Variants in ZNF33A observed in about 807,000 individuals in gnomAD.
ZNF33A encodes brain my041 protein.
In ZNF33A, 9 loss-of-function variants were observed where a neutral mutation model predicts 15.9. That is an observed-to-expected ratio of 0.57 (90% CI 0.34 to 0.99). The LOEUF (loss-of-function observed/expected upper bound fraction) is 0.99, where lower values mean the gene tolerates loss of function less well. ZNF33A is among the 50% of genes least tolerant of loss of function. The probability of loss-of-function intolerance (pLI) is 0.02; values close to 1 mark genes in which losing one functional copy is unlikely to be tolerated. For synonymous variants in ZNF33A, 294 were observed against 324.2 expected (o/e 0.91, Z 1.00); for missense variants, 843 against 941.6 (o/e 0.90, Z 1.37).
chr10:38,011,171 G>GTA (rs1450521129), intron 1 of ZNF33A, among the ~76,000 whole-genome samples: 3 of 152,226 alleles, frequency 2.0e-5, no homozygotes, highest in Non-Finnish European at 4.4e-5. Flanking sequence ...TCGGTTGCAC[G>GTA]TATTGCATTC....
At chr10:38,025,563 C>T (rs945483416) in intron 4 of ZNF33A, among the ~76,000 whole-genome samples, 1 of 152,252 alleles carries the variant, frequency 6.6e-6, no homozygotes, top group African/African-American at 2.4e-5. Context: ...TAGGAAGAGG[C>T]CCTCACCAGG....
chr10:38,053,633 A>G (rs2066316127), intron 4 of ZNF33A, among the ~76,000 whole-genome samples: 1 of 152,112 alleles, frequency 6.6e-6, no homozygotes, highest in Non-Finnish European at 1.5e-5. Context: ...TTGAATTACA[A>G]GTCTTATTTT....
rs1020703451 is a variant in ZNF33A, at chr10:38,059,707, G to A, written c.*3147G>A. The A allele has an allele frequency of 3.9e-5, 6 of 152,228 alleles. No individual in the cohort carries two copies. The highest frequency in any genetic ancestry group is 1.3e-4 in the Admixed American group (2 of 15,282). The allele number at this position is 152,228 out of a possible 1,614,324, so 9.4% of individuals were successfully genotyped here. ...GACCAGTGGTTGCTGAGAGTTGAGGGGAAAGGAGGGATGGCAGGTAGAGAG... is the reference window on the plus strand; with the variant it reads ...GACCAGTGGTTGCTGAGAGTTGAGGAGAAAGGAGGGATGGCAGGTAGAGAG... On this transcript the variant is annotated 3_prime_UTR_variant, in exon 5 of 5. Transcript: ENST00000432900.
chr10:38,038,226 A>C (rs1406127331), intron 4 of ZNF33A, among the ~76,000 whole-genome samples: 1 of 152,102 alleles, frequency 6.6e-6, no homozygotes, highest in Non-Finnish European at 1.5e-5. Context: ...CAGCCTCCCA[A>C]GTAGCTGGGA....
intron 4 of ZNF33A, among the ~76,000 whole-genome samples, chr10:38,045,625 A>G (rs889667974): frequency 6.6e-6 from 1 of 152,188 alleles, no homozygotes; most frequent in African/African-American, 2.4e-5. Flanking sequence ...TTTCTGGTAG[A>G]TAGGAACACA....
intron 4 of ZNF33A, among the ~76,000 whole-genome samples, chr10:38,044,375 A>G (rs2065860607): frequency 2.9e-3 from 1 of 342 alleles, no homozygotes; most frequent in African/African-American, 8.6e-3. Flanking sequence ...ACACTCAGCT[A>G]ATTTTTCTGT....
chr10:38,019,787 A>G (rs540823982), intron 4 of ZNF33A, among the ~76,000 whole-genome samples: 64 of 152,352 alleles, frequency 4.2e-4, no homozygotes, highest in African/African-American at 1.4e-3. Context: ...GCAGGCAAGA[A>G]AGAAGATTGG....
At chr10:38,012,102 C>G (rs1395142657) in intron 1 of ZNF33A, among the ~76,000 whole-genome samples, 196 bp from the exon 2 acceptor site, 1 of 152,196 alleles carries the variant, frequency 6.6e-6, no homozygotes. Context: ...GTTATTCTTT[C>G]ACCATTTCTA....
chr10:38,063,150 G>A (rs1485514116), downstream of ZNF33A, among the ~76,000 whole-genome samples: 1 of 152,050 alleles, frequency 6.6e-6, no homozygotes, highest in Non-Finnish European at 1.5e-5. Context: ...TAACAGACTG[G>A]CATCTTTGCA....
At chr10:38,026,000 A>G (rs753069852) in intron 4 of ZNF33A, among the ~76,000 whole-genome samples, 9 of 152,178 alleles carry the variant, frequency 5.9e-5, no homozygotes, top group Non-Finnish European at 1.3e-4. Flanking sequence ...ACTGTTGTGA[A>G]TATTTCATGT....
At chr10:38,032,652 A>T (rs1356461019) in intron 4 of ZNF33A, among the ~76,000 whole-genome samples, 2 of 151,702 alleles carry the variant, frequency 1.3e-5, no homozygotes, top group African/African-American at 4.8e-5. Flanking sequence ...CATTTTCACC[A>T]TGTTGGCCAG....
downstream of ZNF33A, among the ~76,000 whole-genome samples, chr10:38,063,453 A>G (rs2066679207): frequency 6.6e-6 from 1 of 152,352 alleles, no homozygotes; most frequent in Admixed American, 6.5e-5. Flanking sequence ...TTGTGCATAG[A>G]GGTGCATGTA....
chr10:38,036,755 A>C (rs1041866259), intron 4 of ZNF33A, among the ~76,000 whole-genome samples: 2 of 152,218 alleles, frequency 1.3e-5, no homozygotes, highest in African/African-American at 4.8e-5. Context: ...ATAAGACAAC[A>C]AAATAAGAGG....
At chr10:38,024,233 G>C (rs968801926) in intron 4 of ZNF33A, among the ~76,000 whole-genome samples, 1 of 150,076 alleles carries the variant, frequency 6.7e-6, no homozygotes, top group Non-Finnish European at 1.5e-5. Context: ...AAAGTTTCAG[G>C]ATCCAAGATG....
intron 4 of ZNF33A, among the ~76,000 whole-genome samples, chr10:38,042,068 C>T (rs572695497): frequency 5.3e-4 from 81 of 152,202 alleles, no homozygotes; most frequent in African/African-American, 1.6e-3. Context: ...AGTATCTATT[C>T]GTAGAGTTTG....
rs775913006 is a variant in ZNF33A, at chr10:38,056,326, G to A, written c.2202G>A (p.Ser734=). The change falls in exon 5 of 5, where the codon TCG becomes TCA. Residue 734 remains serine (S), a synonymous_variant. Transcript: ENST00000432900. ...GTGGAAAAATCTTTTACCGTAAATC[G>A]GAACTTGCTCAACATCAGAGATCAC... ...NECGKIFYRK[S]ELAQHQRSHT... The A allele has an allele frequency of 9.9e-6, 16 of 1,613,840 alleles. No homozygotes were observed. The highest frequency in any genetic ancestry group is 1.6e-4 in the Middle Eastern group (1 of 6,084).
intron 4 of ZNF33A, among the ~76,000 whole-genome samples, chr10:38,043,461 A>G (rs2065804382): frequency 6.6e-6 from 1 of 151,874 alleles, no homozygotes; most frequent in South Asian, 2.1e-4. Context: ...ACAAACCTGC[A>G]CGTTGTGCAC....
chr10:38,023,015 G>A (rs1335875483), intron 4 of ZNF33A, among the ~76,000 whole-genome samples: 2 of 151,816 alleles, frequency 1.3e-5, no homozygotes, highest in South Asian at 2.1e-4. Flanking sequence ...GTGTAATCTC[G>A]GCTCACCGCA....
Position 38,012,330 on chromosome 10 carries a change from G to T in ZNF33A, c.-12G>T, listed in dbSNP as rs748506249. ...TTCAGAGTTGTCTCCGTCTTTCCAA[G>T]AACAGAACAAAATGAACAAGGTAAG... On this transcript the variant is annotated 5_prime_UTR_variant, in exon 2 of 5. Coordinates refer to ENST00000432900, the MANE Select transcript of ZNF33A (RefSeq NM_006954.2). 4 of 1,607,480 alleles carry T rather than the reference G, an allele frequency of 2.5e-6. No individual in the cohort carries two copies. The highest frequency in any genetic ancestry group is 3.4e-5 in the Admixed American group (2 of 59,568).
Sources: gnomAD v4.1 joint callset for allele counts (sites outside exome capture counted in the v4.1 genomes callset) on GRCh38, gnomAD v4.1.1 for gene constraint, MANE v1.5 for transcripts, NCBI Gene and HGNC (gene_info 2026-07-23, HGNC 2026-07-21) for gene names.